SLC15A2: variants seen among roughly 807,000 people sequenced by gnomAD.
The protein encoded by SLC15A2 is kidney H(+)/peptide cotransporter.
Under a neutral mutation model 95.5 loss-of-function variants are expected in SLC15A2, and 77 were observed. That is an observed-to-expected ratio of 0.81 (90% CI 0.67 to 0.97). The LOEUF is 0.97. SLC15A2 is among the 50% of genes least tolerant of loss of function. The probability of loss-of-function intolerance (pLI) is 0.00; values close to 1 mark genes in which losing one functional copy is unlikely to be tolerated. For missense variants in SLC15A2, 893 were observed against 874.4 expected (o/e 1.02, Z -0.27); for synonymous variants, 306 against 306.9 (o/e 1.00, Z 0.03).
At chr3:121,905,203 T>A (rs1461616522) in intron 3 of SLC15A2, among the ~76,000 whole-genome samples, 1 of 152,246 alleles carries the variant, frequency 6.6e-6, no homozygotes, top group Non-Finnish European at 1.5e-5. Context: ...ATATCCCCTT[T>A]ATCATTTTTT....
At chr3:121,926,629 G>A (rs1328141336) in intron 13 of SLC15A2, among the ~76,000 whole-genome samples, 1 of 152,236 alleles carries the variant, frequency 6.6e-6, no homozygotes, top group African/African-American at 2.4e-5. Flanking sequence ...ACCTCTACTA[G>A]GGCAGTGTGG....
intron 7 of SLC15A2, among the ~76,000 whole-genome samples, chr3:121,921,960 A>G (rs1710013821): frequency 6.6e-6 from 1 of 152,184 alleles, no homozygotes; most frequent in African/African-American, 2.4e-5. Flanking sequence ...ACAACATACC[A>G]TTTTGTCTTC....
chr3:121,936,474 G>C (rs1469003876), intron 19 of SLC15A2, among the ~76,000 whole-genome samples: 1 of 152,056 alleles, frequency 6.6e-6, no homozygotes, highest in Admixed American at 6.6e-5. Flanking sequence ...ATATATTTAG[G>C]ATAGTTAGCT....
At chr3:121,923,381 C>T in intron 11 of SLC15A2, 115 bp downstream of exon 11, 3 of 1,030,662 alleles carry the variant, frequency 2.9e-6, no homozygotes, top group Non-Finnish European at 4.4e-6. Context: ...CAGAGAAGTG[C>T]TTTTAGCCTG....
At chr3:121,919,698 C>A (rs1345073027) in intron 7 of SLC15A2, among the ~76,000 whole-genome samples, 1 of 152,062 alleles carries the variant, frequency 6.6e-6, no homozygotes. Context: ...GGGACCCGTC[C>A]GTGTCTGCCT....
intron 1 of SLC15A2, 98 bp from the exon 2 acceptor site, chr3:121,896,308 T>A (rs1037654323): frequency 5.3e-6 from 5 of 941,164 alleles, no homozygotes; most frequent in African/African-American, 3.2e-5. Context: ...CCTACCAAGA[T>A]GATTTGAAAT....
In SLC15A2 at chr3:121,940,312, A is replaced by C. The variant is rs1297201605; in HGVS notation, c.1909-72A>C. Reference sequence around the variant, plus strand: ...CTAACTTGGAAGCTTTTGTGGGAGAAGTTTCCTGGATGCATGGGGCATGAG... The same window carrying C: ...CTAACTTGGAAGCTTTTGTGGGAGACGTTTCCTGGATGCATGGGGCATGAG... On this transcript the variant is annotated intron_variant, in intron 20 of 21. Transcript: ENST00000489711. 3 of 1,115,094 alleles carry C rather than the reference A, an allele frequency of 2.7e-6. No homozygotes were observed. In the African/African-American group the frequency reaches 4.6e-5, roughly 17 times the overall value. The allele number at this position is 1,115,094 out of a possible 1,614,324, so 69.1% of individuals were successfully genotyped here. A position where few individuals can be genotyped will look rare whatever the true frequency, so the allele number is the denominator to read the frequency against.
intron 7 of SLC15A2, among the ~76,000 whole-genome samples, chr3:121,918,782 A>G (rs1025330733): frequency 2.6e-5 from 4 of 152,236 alleles, no homozygotes; most frequent in Non-Finnish European, 5.9e-5. Context: ...GATGTCTATT[A>G]AATACAACAA....
chr3:121,909,510 A>G (rs1160178744), intron 3 of SLC15A2, among the ~76,000 whole-genome samples: 1 of 152,206 alleles, frequency 6.6e-6, no homozygotes, highest in Non-Finnish European at 1.5e-5. Context: ...TTTCAAATGC[A>G]GAATTTTCAG....
chr3:121,897,119 G>C (rs927856244), intron 2 of SLC15A2, among the ~76,000 whole-genome samples: 8 of 151,462 alleles, frequency 5.3e-5, no homozygotes, highest in African/African-American at 1.5e-4. Context: ...TTATGTTCAT[G>C]GTTGGCCTAA....
At chr3:121,914,354 T>G (rs962601321) in intron 5 of SLC15A2, among the ~76,000 whole-genome samples, 1 of 152,148 alleles carries the variant, frequency 6.6e-6, no homozygotes, top group African/African-American at 2.4e-5. Context: ...ATCAGCAACT[T>G]TATTTGAAAG....
intron 4 of SLC15A2, 111 bp from the exon 5 acceptor site, chr3:121,912,910 G>T: frequency 1.4e-6 from 1 of 701,984 alleles, no homozygotes. Context: ...GTAGAAATGT[G>T]AAGGGGATCT....
intron 19 of SLC15A2, among the ~76,000 whole-genome samples, chr3:121,932,503 G>C (rs1192742455): frequency 6.6e-6 from 1 of 152,190 alleles, no homozygotes; most frequent in Non-Finnish European, 1.5e-5. Context: ...CCTACACAAA[G>C]TTTGGGGATC....
chr3:121,914,743 A>G (rs1709846703), intron 5 of SLC15A2, among the ~76,000 whole-genome samples: 1 of 151,980 alleles, frequency 6.6e-6, no homozygotes, highest in African/African-American at 2.4e-5. Context: ...GAAAAAACAG[A>G]CACTTACGGG....
chr3:121,924,852 G>A (rs2257132), intron 12 of SLC15A2, 93 bp from the exon 13 acceptor site: 373,962 of 875,784 alleles, frequency 0.43, 83,654 homozygotes, highest in East Asian at 0.72. Flanking sequence ...GTGTGTAGAT[G>A]TGAGACAGAG....
chr3:121,919,879 A>G (rs1483762582), intron 7 of SLC15A2, among the ~76,000 whole-genome samples: 2 of 152,230 alleles, frequency 1.3e-5, no homozygotes, highest in Admixed American at 1.3e-4. Flanking sequence ...ATCAGTATGA[A>G]AACACATATG....
At chr3:121,897,167 A>G (rs935022922) in intron 2 of SLC15A2, among the ~76,000 whole-genome samples, 3 of 151,864 alleles carry the variant, frequency 2.0e-5, no homozygotes, top group African/African-American at 7.2e-5. Context: ...AGGGAGGAGT[A>G]TTATATTTGT....
chr3:121,936,394 G>A (rs2107611090), intron 19 of SLC15A2, among the ~76,000 whole-genome samples: 1 of 152,274 alleles, frequency 6.6e-6, no homozygotes, highest in African/African-American at 2.4e-5. Context: ...TAATGTGTGG[G>A]AGTCTCAGTC....
chr3:121,904,829 G>T (rs1232491845), intron 3 of SLC15A2, among the ~76,000 whole-genome samples: 2 of 152,132 alleles, frequency 1.3e-5, no homozygotes, highest in African/African-American at 4.8e-5. Flanking sequence ...TGTTGTCTCT[G>T]CCAGGCTTTC....
Sources: gnomAD v4.1 joint callset for allele counts (sites outside exome capture counted in the v4.1 genomes callset) on GRCh38, gnomAD v4.1.1 for gene constraint, MANE v1.5 for transcripts, NCBI Gene and HGNC (gene_info 2026-07-23, HGNC 2026-07-21) for gene names.